Variants in SI observed in about 807,000 individuals in gnomAD.
The protein encoded by SI is sucrase-isomaltase.
Under a neutral mutation model 253.3 loss-of-function variants are expected in SI, and 235 were observed. The observed-to-expected ratio is 0.93, with a 90% CI of 0.83 to 1.03. The LOEUF (loss-of-function observed/expected upper bound fraction) is 1.03, where lower values mean the gene tolerates loss of function less well. SI is among the 50% of genes least tolerant of loss of function. SI has a pLI of 0.00. For synonymous variants in SI, 819 were observed against 712.0 expected (o/e 1.15, Z -2.39); for missense variants, 2,442 against 2,211.1 (o/e 1.10, Z -2.09).
chr3:165,015,582 T>G (rs1718985386), intron 32 of SI, among the ~76,000 whole-genome samples: 1 of 152,088 alleles, frequency 6.6e-6, no homozygotes, highest in Non-Finnish European at 1.5e-5. Flanking sequence ...AGGCAAGTTT[T>G]TAAATATGAA....
chr3:165,060,093 G>T (rs895026247), intron 9 of SI, 66 bp from the exon 10 acceptor site: 3 of 1,358,124 alleles, frequency 2.2e-6, no homozygotes, highest in African/African-American at 1.4e-5. Flanking sequence ...AATAACCAAG[G>T]TTAATGTGCC....
intron 25 of SI, 138 bp from the exon 26 acceptor site, chr3:165,023,914 C>T: frequency 1.4e-6 from 1 of 693,832 alleles, no homozygotes; most frequent in Non-Finnish European, 2.5e-6. Context: ...ACAGTTATAA[C>T]ACAAAATATA....
At chr3:165,089,171 A>C in the SI span, among the ~76,000 whole-genome samples, 12 of 151,762 alleles carry the variant, frequency 7.9e-5, no homozygotes, top group East Asian at 2.1e-3. Flanking sequence ...TGGCAAATTT[A>C]AATCAGAAGA....
intron 44 of SI, 83 bp downstream of exon 44, chr3:164,991,270 A>C: frequency 6.5e-7 from 1 of 1,541,618 alleles, no homozygotes; most frequent in South Asian, 1.1e-5. Context: ...ATGGGTTAAA[A>C]TTTCAAACCC....
intron 35 of SI, among the ~76,000 whole-genome samples, chr3:165,008,547 G>A (rs934704931): frequency 3.9e-5 from 6 of 151,940 alleles, no homozygotes; most frequent in African/African-American, 1.4e-4. Flanking sequence ...GACATTCTCA[G>A]GAATATACTT....
At position 165,019,666 on chromosome 3, in the gene SI, G is replaced by A. The variant is rs140725570; in HGVS notation, c.3359C>T (p.Thr1120Ile). The A allele has an allele frequency of 8.1e-6, 13 of 1,612,396 alleles. No individual in the cohort carries two copies. Among genetic ancestry groups the A allele is most frequent in the African/African-American group, 4.0e-5 (3 of 74,724 alleles). Residue 1120 changes from threonine (T) to isoleucine (I), a missense_variant, in exon 28 of 48, where the codon ACA (threonine) becomes ATA (isoleucine). Physicochemically the swap from Thr to Ile is moderately conservative, Grantham distance 89. Transcript: ENST00000264382. ...YIYGFGEVEHTAFKRDLNWNT... is the reference protein window; with the variant it reads ...YIYGFGEVEHIAFKRDLNWNT... The stretch of plus-strand genomic sequence containing the variant: ...CCAGTTCAGATCTCGCTTAAATGCT[G>A]TATGTTCCACTTCCCCAAAACCATA...
rs1472543796 is a variant in SI, at chr3:165,021,237, T to C, written c.3246A>G (p.Gly1082=). ...ATAATTCAATTACTTACATGACTCTTCCACTGCTTCTCCGTCGAATCTGGA... is the reference window on the plus strand; with the variant it reads ...ATAATTCAATTACTTACATGACTCTCCCACTGCTTCTCCGTCGAATCTGGA... ...FGIQIRRRSS[G]RVIWDSWLPG... The change falls in exon 27 of 48, where the codon GGA becomes GGG. Residue 1082 remains glycine (G), a synonymous_variant. Coordinates refer to ENST00000264382, the MANE Select transcript of SI (RefSeq NM_001041.4). 1.2e-6 allele frequency: 2 copies of C among 1,610,476 alleles called. No homozygotes were observed. Among genetic ancestry groups the C allele is most frequent in the Non-Finnish European group, 1.7e-6 (2 of 1,177,414 alleles).
chr3:165,071,691 G>A (rs74368945), intron 3 of SI, among the ~76,000 whole-genome samples: 4,224 of 152,068 alleles, frequency 0.028, 103 homozygotes, highest in South Asian at 0.099. Flanking sequence ...TAATTCATTA[G>A]GACTGGTGTC....
chr3:164,996,036 T>C (rs933901859), intron 40 of SI, among the ~76,000 whole-genome samples: 35 of 151,824 alleles, frequency 2.3e-4, no homozygotes, highest in African/African-American at 8.5e-4. Context: ...GTCTCTATTG[T>C]CCAGCTTTCA....
At chr3:165,080,241 G>A (rs1715259768), upstream of SI, among the ~76,000 whole-genome samples, 1 of 151,950 alleles carries the variant, frequency 6.6e-6, no homozygotes, top group South Asian at 2.1e-4. Context: ...TAGTTAACAA[G>A]TTGTCTTTTT....
chr3:164,988,380 G>C (rs1310019916), intron 44 of SI, among the ~76,000 whole-genome samples: 1 of 152,064 alleles, frequency 6.6e-6, no homozygotes, highest in African/African-American at 2.4e-5. Flanking sequence ...CAAAAATATG[G>C]CTTAACCTGC....
intron 37 of SI, among the ~76,000 whole-genome samples, chr3:165,004,641 C>A (rs146461091): frequency 6.6e-6 from 1 of 152,038 alleles, no homozygotes; most frequent in Non-Finnish European, 1.5e-5. Context: ...TCATTTGCAA[C>A]GACATGTAGG....
chr3:165,072,070 T>G (rs1478227771), intron 3 of SI, among the ~76,000 whole-genome samples: 1 of 152,106 alleles, frequency 6.6e-6, no homozygotes, highest in Non-Finnish European at 1.5e-5. Flanking sequence ...TATACAATAA[T>G]TTATACAGTA....
chr3:164,982,206 C>T lies in SI; in HGVS notation c.5415+37G>A, dbSNP rs142066806. On this transcript the variant is annotated intron_variant, in intron 47 of 47. Coordinates refer to ENST00000264382, the MANE Select transcript of SI (RefSeq NM_001041.4). ...GAAGTCCATGTAGATGCTTTAAATA[C>T]GTACGCTTTTGAAAAATATTTTCTT... 814 of 1,531,054 alleles carry T rather than the reference C, an allele frequency of 5.3e-4. 1 individual carries two copies. The African/African-American group carries it at 5.9e-3, about 11-fold the overall frequency. The allele number at this position is 1,531,054 out of a possible 1,614,324, so 94.8% of individuals were successfully genotyped here. A position where few individuals can be genotyped will look rare whatever the true frequency, so the allele number is the denominator to read the frequency against.
chr3:164,988,278 T>C (rs1207475090), intron 44 of SI, among the ~76,000 whole-genome samples: 1 of 152,194 alleles, frequency 6.6e-6, no homozygotes, highest in African/African-American at 2.4e-5. Context: ...AATTAGATAT[T>C]TTCCAGTGAA....
chr3:165,032,434 G>A (rs1287411249), intron 24 of SI, 88 bp downstream of exon 24: 4 of 853,814 alleles, frequency 4.7e-6, no homozygotes, highest in South Asian at 1.6e-5. Flanking sequence ...CACACTGTGA[G>A]GAGAAATAGG....
upstream of SI, among the ~76,000 whole-genome samples, chr3:165,079,990 G>A (rs2108125963): frequency 6.6e-6 from 1 of 151,992 alleles, no homozygotes; most frequent in Middle Eastern, 3.4e-3. Context: ...ACTCCATGAA[G>A]TAAATATAGA....
Position 165,008,001 on chromosome 3 carries a change from T to C in SI, c.4180-3A>G. ...AAACTTGATGGCTCATTCATATCCT[T>C]AAAAAAAGATGAAAGAAAAAGGTAA... On this transcript the variant is annotated splice_polypyrimidine_tract_variant and splice_region_variant and intron_variant, in intron 35 of 47. Transcript: ENST00000264382. 2 of 1,471,438 alleles carry C rather than the reference T, an allele frequency of 1.4e-6. No individual in the cohort carries two copies. The highest frequency in any genetic ancestry group is 1.9e-6 in the Non-Finnish European group (2 of 1,052,528). The allele number at this position is 1,471,438 out of a possible 1,614,324, so 91.1% of individuals were successfully genotyped here. A position where few individuals can be genotyped will look rare whatever the true frequency, so the allele number is the denominator to read the frequency against.
chr3:164,985,692 G>T (rs1011308792), intron 45 of SI, among the ~76,000 whole-genome samples: 1 of 152,020 alleles, frequency 6.6e-6, no homozygotes, highest in Non-Finnish European at 1.5e-5. Flanking sequence ...CAATTTTTTT[G>T]ATTAAAGTTT....
Sources: allele counts gnomAD v4.1 joint callset (sites outside exome capture counted in the v4.1 genomes callset), GRCh38; gene constraint gnomAD v4.1.1; transcripts MANE v1.5; gene names NCBI Gene and HGNC (gene_info 2026-07-23, HGNC 2026-07-21).